The following SLIT2 variants were observed in gnomAD, a reference collection of about 807,000 sequenced individuals.
SLIT2 encodes the protein slit homolog 2 protein.
Under a neutral mutation model 185.7 loss-of-function variants are expected in SLIT2, and 41 were observed. The observed-to-expected ratio is 0.22, with a 90% CI of 0.17 to 0.29. The LOEUF (loss-of-function observed/expected upper bound fraction) is 0.29, where lower values mean the gene tolerates loss of function less well. Ranked by LOEUF, SLIT2 falls within the 10% of genes least tolerant of loss-of-function variation. The pLI, the probability that SLIT2 is intolerant of heterozygous loss-of-function variation, is 1.00. For synonymous variants in SLIT2, 693 were observed against 680.2 expected (o/e 1.02, Z -0.29); for missense variants, 1,571 against 1,909.0 (o/e 0.82, Z 3.30).
chr4:20,581,772 C>T (rs1317928396), intron 29 of SLIT2, among the ~76,000 whole-genome samples: 3 of 152,112 alleles, frequency 2.0e-5, no homozygotes, highest in Non-Finnish European at 4.4e-5. Flanking sequence ...TCCAGAATTT[C>T]GCTCTTCATT....
chr4:20,399,877 G>T (rs902836068), intron 4 of SLIT2, among the ~76,000 whole-genome samples: 2 of 151,738 alleles, frequency 1.3e-5, no homozygotes, highest in Admixed American at 6.6e-5. Context: ...AATGTCCCAG[G>T]TAGACAGTAG....
At chr4:20,610,728 A>T (rs1293634531) in intron 34 of SLIT2, among the ~76,000 whole-genome samples, 1 of 152,226 alleles carries the variant, frequency 6.6e-6, no homozygotes, top group African/African-American at 2.4e-5. Context: ...TGAACAAATT[A>T]AATGTACAAA....
chr4:20,291,752 C>T (rs1321625100), intron 4 of SLIT2, among the ~76,000 whole-genome samples: 1 of 151,668 alleles, frequency 6.6e-6, no homozygotes, highest in Non-Finnish European at 1.5e-5. Context: ...GTAATCAAAA[C>T]AATTATAGAG....
intron 4 of SLIT2, among the ~76,000 whole-genome samples, chr4:20,390,356 C>G (rs949286258): frequency 1.3e-5 from 2 of 152,080 alleles, no homozygotes; most frequent in African/African-American, 4.8e-5. Flanking sequence ...AAATTACAAA[C>G]ATGCGTGAGG....
intron 4 of SLIT2, among the ~76,000 whole-genome samples, chr4:20,319,512 G>GA (rs987387043): frequency 3.3e-5 from 5 of 151,862 alleles, no homozygotes; most frequent in South Asian, 2.1e-4. Context: ...TTTTTACTTT[G>GA]AAAAAAATGG....
intron 30 of SLIT2, among the ~76,000 whole-genome samples, chr4:20,590,924 A>G (rs1727467322): frequency 6.6e-6 from 1 of 152,208 alleles, no homozygotes; most frequent in Admixed American, 6.5e-5. Context: ...ACTATGTGTT[A>G]CCTATAAGAA....
At chr4:20,595,072 C>T (rs1488778106) in intron 30 of SLIT2, among the ~76,000 whole-genome samples, 2 of 152,102 alleles carry the variant, frequency 1.3e-5, no homozygotes, top group South Asian at 4.1e-4. Context: ...GAAAACTGTC[C>T]GTGGGATTGG....
chr4:20,287,596 T>C (rs1397071701), intron 4 of SLIT2, among the ~76,000 whole-genome samples: 1 of 152,202 alleles, frequency 6.6e-6, no homozygotes, highest in Admixed American at 6.5e-5. Flanking sequence ...CTCAAATGTG[T>C]TTTTCTCCTG....
chr4:20,329,138 T>TATAC (rs1719852819), intron 4 of SLIT2, among the ~76,000 whole-genome samples: 1 of 152,026 alleles, frequency 6.6e-6, no homozygotes, highest in Admixed American at 6.6e-5. Flanking sequence ...GTTACCTGTT[T>TATAC]ATTCATTCAT....
chr4:20,319,033 C>T (rs1718828288), intron 4 of SLIT2, among the ~76,000 whole-genome samples: 1 of 152,102 alleles, frequency 6.6e-6, no homozygotes, highest in Admixed American at 6.5e-5. Context: ...GCCTTCAGGG[C>T]TGTGGATTTA....
intron 4 of SLIT2, among the ~76,000 whole-genome samples, chr4:20,368,219 CAAA>C (rs71653879): frequency 9.3e-6 from 1 of 107,424 alleles, no homozygotes; most frequent in Non-Finnish European, 1.9e-5. Flanking sequence ...CACAAAATAG[CAAA>C]AAAAAAAAAA....
At chr4:20,581,613 T>C (rs755622377) in intron 29 of SLIT2, among the ~76,000 whole-genome samples, 3 of 152,136 alleles carry the variant, frequency 2.0e-5, no homozygotes, top group Non-Finnish European at 4.4e-5. Flanking sequence ...CTGTTTTGCT[T>C]CCTAAACACT....
At chr4:20,613,602 C>T (rs1729412480) in intron 34 of SLIT2, among the ~76,000 whole-genome samples, 1 of 152,098 alleles carries the variant, frequency 6.6e-6, no homozygotes, top group Non-Finnish European at 1.5e-5. Flanking sequence ...CAACAAACCC[C>T]TCGTGACATG....
chr4:20,282,604 TG>T (rs1333314565), intron 4 of SLIT2, among the ~76,000 whole-genome samples: 1 of 152,208 alleles, frequency 6.6e-6, no homozygotes, highest in East Asian at 1.9e-4. Context: ...TGTGGTCAAA[TG>T]TGTTGGGAAA....
intron 30 of SLIT2, among the ~76,000 whole-genome samples, chr4:20,590,403 G>T (rs1727429178): frequency 6.6e-6 from 1 of 152,122 alleles, no homozygotes; most frequent in African/African-American, 2.4e-5. Context: ...GTAAAATAGA[G>T]AATTTGACTT....
At chr4:20,291,196 A>T (rs1715779016) in intron 4 of SLIT2, among the ~76,000 whole-genome samples, 1 of 152,070 alleles carries the variant, frequency 6.6e-6, no homozygotes, top group Non-Finnish European at 1.5e-5. Context: ...CATGTCTTGC[A>T]CTTGTGTGAT....
At chr4:20,370,055 A>T (rs1466944707) in intron 4 of SLIT2, among the ~76,000 whole-genome samples, 2 of 152,094 alleles carry the variant, frequency 1.3e-5, no homozygotes, top group African/African-American at 4.8e-5. Context: ...CCCCAGACCA[A>T]CTGAATAAGA....
intron 4 of SLIT2, among the ~76,000 whole-genome samples, chr4:20,458,330 A>G (rs1374678879): frequency 2.6e-5 from 4 of 152,122 alleles, no homozygotes; most frequent in African/African-American, 7.2e-5. Context: ...GTTGGCATCT[A>G]CAATTTCCAA....
At chr4:20,548,077 TA>T (rs920225183) in intron 22 of SLIT2, among the ~76,000 whole-genome samples, 27 of 152,208 alleles carry the variant, frequency 1.8e-4, no homozygotes, top group African/African-American at 5.8e-4. Flanking sequence ...CTTTTGAAGA[TA>T]AGGGTTTATT....
Sources: allele counts gnomAD v4.1 joint callset (sites outside exome capture counted in the v4.1 genomes callset), GRCh38; gene constraint gnomAD v4.1.1; transcripts MANE v1.5; gene names NCBI Gene and HGNC (gene_info 2026-07-23, HGNC 2026-07-21).